The following HTR7 variants were observed in gnomAD, a reference collection of about 807,000 sequenced individuals.
HTR7 encodes the protein 5-HT-7.
HTR7 carries 16 observed loss-of-function variants against 34.0 expected under a neutral mutation model. The observed-to-expected ratio is 0.47, with a 90% CI of 0.32 to 0.71. The LOEUF (loss-of-function observed/expected upper bound fraction) is 0.71. HTR7 is among the 30% of genes least tolerant of loss of function. HTR7 has a pLI of 0.04. For missense variants in HTR7, 504 were observed against 625.5 expected (o/e 0.81, Z 2.07); for synonymous variants, 265 against 260.2 (o/e 1.02, Z -0.18).
chr10:90,798,554 A>G (rs1362961115), intron 1 of HTR7, among the ~76,000 whole-genome samples: 1 of 151,804 alleles, frequency 6.6e-6, no homozygotes, highest in Non-Finnish European at 1.5e-5. Context: ...CATCTCTACA[A>G]AACTAAAAAA....
At chr10:90,825,384 G>A (rs1846054557) in intron 1 of HTR7, among the ~76,000 whole-genome samples, 2 of 152,190 alleles carry the variant, frequency 1.3e-5, no homozygotes, top group South Asian at 2.1e-4. Flanking sequence ...TAAGAAGGAT[G>A]GGTACAAACA....
intron 2 of HTR7, among the ~76,000 whole-genome samples, chr10:90,744,359 C>A (rs188911617): frequency 2.0e-5 from 3 of 151,084 alleles, no homozygotes; most frequent in African/African-American, 7.3e-5. Context: ...CATAGCAGAC[C>A]CTCAAATGTT....
chr10:90,809,528 G>A (rs1374951137), intron 1 of HTR7, among the ~76,000 whole-genome samples: 5 of 152,122 alleles, frequency 3.3e-5, no homozygotes, highest in Admixed American at 1.3e-4. Flanking sequence ...ACCCCACAAC[G>A]GGATTAATTA....
intron 1 of HTR7, among the ~76,000 whole-genome samples, chr10:90,829,713 G>T (rs565863614): frequency 6.6e-6 from 1 of 152,216 alleles, no homozygotes; most frequent in African/African-American, 2.4e-5. Flanking sequence ...ACTTACATTT[G>T]GAAAAACCTG....
chr10:90,819,244 G>A (rs528689287), intron 1 of HTR7, among the ~76,000 whole-genome samples: 4 of 152,238 alleles, frequency 2.6e-5, no homozygotes, highest in Admixed American at 6.5e-5. Context: ...CAAAATAAAT[G>A]ACCTATATAC....
chr10:90,761,308 T>C (rs943491476), intron 1 of HTR7, among the ~76,000 whole-genome samples: 1 of 152,204 alleles, frequency 6.6e-6, no homozygotes, highest in African/African-American at 2.4e-5. Context: ...AGAATTACTC[T>C]AAAATACTGC....
At chr10:90,854,659 G>A (rs1276817296) in intron 1 of HTR7, among the ~76,000 whole-genome samples, 1 of 152,178 alleles carries the variant, frequency 6.6e-6, no homozygotes, top group Non-Finnish European at 1.5e-5. Context: ...TGGGAGCTCT[G>A]AAGCCTGTGA....
chr10:90,811,261 G>A (rs1392577062), intron 1 of HTR7, among the ~76,000 whole-genome samples: 6 of 152,100 alleles, frequency 3.9e-5, no homozygotes, highest in Admixed American at 1.3e-4. Flanking sequence ...TCATGTCTCC[G>A]TGCAGTGGCT....
At chr10:90,853,292 T>C (rs1031827953) in intron 1 of HTR7, among the ~76,000 whole-genome samples, 5 of 150,166 alleles carry the variant, frequency 3.3e-5, no homozygotes, top group African/African-American at 1.2e-4. Flanking sequence ...TTTTTCTTTT[T>C]TTTTTTTTTT....
At chr10:90,761,452 T>G (rs1169790781) in intron 1 of HTR7, among the ~76,000 whole-genome samples, 1 of 152,214 alleles carries the variant, frequency 6.6e-6, no homozygotes, top group African/African-American at 2.4e-5. Context: ...TTCCAGGATT[T>G]TAACTCAAGT....
In HTR7 at chr10:90,789,271, CCTCTGCTTTGA is replaced by C. The variant is rs1393538698; in HGVS notation, c.540-39688_540-39678del. 2.0e-5 allele frequency among the ~76,000 whole-genome samples: 3 copies of C among 152,322 alleles called. No individual in the cohort carries two copies. In the South Asian group the frequency reaches 6.2e-4, roughly 32 times the overall value. ...ATAAATTCTCAAGCAATTCTCAAGG[CCTCTGCTTTGA>C]CTCTTTTGTGATTTTTTTTGCCTAC... On this transcript the variant is annotated intron_variant, in intron 1 of 3. Coordinates refer to ENST00000336152, the MANE Select transcript of HTR7 (RefSeq NM_019859.4).
At chr10:90,786,463 A>C (rs1845382558) in intron 1 of HTR7, among the ~76,000 whole-genome samples, 1 of 152,204 alleles carries the variant, frequency 6.6e-6, no homozygotes, top group Non-Finnish European at 1.5e-5. Flanking sequence ...TGTTCCTAAT[A>C]TCTAAGAACC....
chr10:90,813,756 T>C (rs1364297825), intron 1 of HTR7, among the ~76,000 whole-genome samples: 3 of 152,176 alleles, frequency 2.0e-5, no homozygotes, highest in Non-Finnish European at 4.4e-5. Flanking sequence ...CATCTCCATC[T>C]TCCCTTCTCC....
At chr10:90,845,607 C>T (rs7089533) in intron 1 of HTR7, among the ~76,000 whole-genome samples, 33,079 of 152,132 alleles carry the variant, frequency 0.22, 4,631 homozygotes, top group African/African-American at 0.39. Flanking sequence ...GTCTAGAAAC[C>T]TAAGTAGCAC....
intron 1 of HTR7, among the ~76,000 whole-genome samples, chr10:90,817,685 A>C (rs1353206600): frequency 1.3e-5 from 2 of 152,252 alleles, no homozygotes; most frequent in African/African-American, 4.8e-5. Flanking sequence ...CAAGCCCTTA[A>C]GGTGGCTCAA....
chr10:90,759,378 G>A (rs994852245), intron 1 of HTR7, among the ~76,000 whole-genome samples: 5 of 151,964 alleles, frequency 3.3e-5, no homozygotes, highest in South Asian at 2.1e-4. Flanking sequence ...GGGAAAGGCC[G>A]GGCGCGGTGG....
At chr10:90,828,629 C>G (rs1846115656) in intron 1 of HTR7, among the ~76,000 whole-genome samples, 1 of 151,928 alleles carries the variant, frequency 6.6e-6, no homozygotes, top group African/African-American at 2.4e-5. Context: ...TACAACTTAC[C>G]AAGATTGAAC....
chr10:90,853,759 C>T lies in HTR7; in HGVS notation c.539+3374G>A, dbSNP rs193011028. On this transcript the variant is annotated intron_variant, in intron 1 of 3. Transcript: ENST00000336152. ...ATTGAATATTTAAGATCTGTGCATGCCATTATATGTAAATTATCTCACTTT... is the reference window on the plus strand; with the variant it reads ...ATTGAATATTTAAGATCTGTGCATGTCATTATATGTAAATTATCTCACTTT... Among the ~76,000 whole-genome samples the T allele has an allele frequency of 1.4e-4, 22 of 152,192 alleles. No homozygotes were observed. In the East Asian group the frequency reaches 4.2e-3, roughly 29 times the overall value.
intron 1 of HTR7, among the ~76,000 whole-genome samples, chr10:90,834,634 G>C (rs905755673): frequency 6.6e-6 from 1 of 152,034 alleles, no homozygotes; most frequent in Non-Finnish European, 1.5e-5. Flanking sequence ...CTTGACTGGC[G>C]ACTGGCAGCC....
Sources: gnomAD v4.1 joint callset for allele counts (sites outside exome capture counted in the v4.1 genomes callset) on GRCh38, gnomAD v4.1.1 for gene constraint, MANE v1.5 for transcripts, NCBI Gene and HGNC (gene_info 2026-07-23, HGNC 2026-07-21) for gene names.